The following CPSF7 variants were observed in gnomAD, a reference collection of about 807,000 sequenced individuals.
The protein encoded by CPSF7 is cleavage and polyadenylation specific factor 7.
In CPSF7, 1 loss-of-function variant was observed where a neutral mutation model predicts 44.3. The observed-to-expected ratio is 0.02, with a 90% confidence interval of 0.01 to 0.11. The LOEUF (loss-of-function observed/expected upper bound fraction) is 0.11. Ranked by LOEUF, CPSF7 falls within the 10% of genes least tolerant of loss-of-function variation. The pLI, the probability that CPSF7 is intolerant of heterozygous loss-of-function variation, is 1.00. For missense variants in CPSF7, 443 were observed against 607.2 expected, an observed-to-expected ratio of 0.73 and a Z score of 2.84; for synonymous variants, 202 against 222.0, an observed-to-expected ratio of 0.91 and a Z score of 0.80.
At chr11:61,420,439 T>C (rs368414285) in intron 4 of CPSF7, 31 bp downstream of exon 4, 4 of 1,552,220 alleles carry the variant, frequency 2.6e-6, no homozygotes, top group Non-Finnish European at 3.6e-6. Context: ...TGGTTACAAA[T>C]TAAAAGGGGC....
At chr11:61,412,415 G>C (rs1342527042) in intron 7 of CPSF7, among the ~76,000 whole-genome samples, 1 of 151,608 alleles carries the variant, frequency 6.6e-6, no homozygotes, top group African/African-American at 2.4e-5. Flanking sequence ...TCAGCCTCCT[G>C]AGTAGCTGGG....
chr11:61,420,326 T>C, intron 4 of CPSF7, 144 bp downstream of exon 4: 1 of 753,146 alleles, frequency 1.3e-6, no homozygotes, highest in Non-Finnish European at 2.2e-6. Flanking sequence ...TGCAGCTAGG[T>C]CCCTTTCTAA....
At chr11:61,426,434 C>T (rs1288643271) in intron 2 of CPSF7, 1 of 152,166 alleles carries the variant, frequency 6.6e-6, no homozygotes, top group Non-Finnish European at 1.5e-5. Flanking sequence ...TCATCCCTCA[C>T]CTTCCACAAA....
At chr11:61,428,993 C>T (rs1208915841) in intron 2 of CPSF7, 189 bp downstream of exon 2, 7 of 436,938 alleles carry the variant, frequency 1.6e-5, no homozygotes, top group Non-Finnish European at 2.9e-5. Flanking sequence ...TAAAATTAAG[C>T]CTGGAGCTTC....
intron 9 of CPSF7, 136 bp from the exon 10 acceptor site, chr11:61,404,840 GTC>G (rs1859157334): frequency 6.6e-6 from 1 of 152,194 alleles, no homozygotes; most frequent in South Asian, 2.1e-4. Flanking sequence ...GAGAATGCAA[GTC>G]TGGGAAAACA....
chr11:61,408,150 G>A (rs1035759591), intron 9 of CPSF7, among the ~76,000 whole-genome samples: 6 of 150,204 alleles, frequency 4.0e-5, no homozygotes, highest in Admixed American at 1.3e-4. Flanking sequence ...TCTGCCTCCC[G>A]GGTTCATGCC....
At chr11:61,408,738 A>ATT (rs1859563154) in intron 9 of CPSF7, among the ~76,000 whole-genome samples, 1 of 152,210 alleles carries the variant, frequency 6.6e-6, no homozygotes, top group Admixed American at 6.5e-5. Flanking sequence ...TCTAAGAATG[A>ATT]AAGCAACAGA....
intron 2 of CPSF7, chr11:61,426,568 C>T (rs1378512707): frequency 1.3e-5 from 2 of 152,108 alleles, no homozygotes; most frequent in African/African-American, 4.8e-5. Flanking sequence ...ATAAAAAAGT[C>T]CTTTTTAACT....
intron 9 of CPSF7, 114 bp downstream of exon 9, chr11:61,410,824 A>G (rs905092546): frequency 9.2e-7 from 1 of 1,092,424 alleles, no homozygotes; most frequent in Non-Finnish European, 1.3e-6. Flanking sequence ...GTAAATCAGA[A>G]GTTCCCCCTA....
chr11:61,429,836 C>G (rs1331275348), intron 1 of CPSF7, 78 bp downstream of exon 1: 3 of 1,546,900 alleles, frequency 1.9e-6, no homozygotes, highest in Non-Finnish European at 2.6e-6. Flanking sequence ...CCCATCTCAA[C>G]CGACCCCCTT....
In CPSF7 at chr11:61,429,967, C is replaced by A; in HGVS notation, c.-109G>T. On this transcript the variant is annotated 5_prime_UTR_variant, in exon 1 of 10. Coordinates refer to ENST00000439958, the MANE Select transcript of CPSF7 (RefSeq NM_001142565.3). The stretch of plus-strand genomic sequence containing the variant: ...CCGGACTAGGCCCGAAGCGCGCGAA[C>A]CGCTCTCCGCCCCAGGTCCCGCCCC... 1 of 1,279,458 alleles carries A rather than the reference C, an allele frequency of 7.8e-7. No homozygotes were observed. The highest frequency in any genetic ancestry group is 1.0e-6 in the Non-Finnish European group (1 of 954,882). 79.3% of individuals were successfully genotyped at this position (1,279,458 alleles called of 1,614,324 possible).
intron 1 of CPSF7, 37 bp from the exon 2 acceptor site, chr11:61,429,327 C>T (rs751816649): frequency 4.0e-6 from 5 of 1,260,240 alleles, no homozygotes; most frequent in Middle Eastern, 3.7e-4. Flanking sequence ...TTAGAAGGCA[C>T]GAGGGTCCTG....
At chr11:61,408,503 A>AGTTAC (rs1436001793) in intron 9 of CPSF7, among the ~76,000 whole-genome samples, 1 of 152,194 alleles carries the variant, frequency 6.6e-6, no homozygotes, top group East Asian at 1.9e-4. Context: ...AGGACCCTGA[A>AGTTAC]GTTACCTGGG....
At chr11:61,427,577 T>C (rs1192397587) in intron 2 of CPSF7, among the ~76,000 whole-genome samples, 2 of 147,420 alleles carry the variant, frequency 1.4e-5, no homozygotes, top group Non-Finnish European at 3.0e-5. Context: ...CACTTTAACC[T>C]GGGAGGCAGA....
intron 9 of CPSF7, among the ~76,000 whole-genome samples, chr11:61,405,062 A>G (rs1344053808): frequency 2.0e-5 from 3 of 152,238 alleles, no homozygotes; most frequent in Non-Finnish European, 4.4e-5. Flanking sequence ...CTAAAAGGGA[A>G]TAAGGTGAGT....
intron 2 of CPSF7, among the ~76,000 whole-genome samples, chr11:61,424,153 G>A (rs1164291280): frequency 6.6e-6 from 1 of 152,176 alleles, no homozygotes; most frequent in Non-Finnish European, 1.5e-5. Flanking sequence ...TGCATAAAAA[G>A]GGTCAGCATG....
rs3809083 is a variant in CPSF7 at position 61,417,732 on chromosome 11, G to T, written c.524-1213C>A. Among the ~76,000 whole-genome samples, 9 of 152,082 alleles carry T rather than the reference G, an allele frequency of 5.9e-5. No homozygotes were observed. In the South Asian group the frequency reaches 6.2e-4, roughly 10 times the overall value. The stretch of plus-strand genomic sequence containing the variant: ...CAAACTGAAGAACAAAAAGGTATAA[G>T]GCAAGTGTCATCTGACAGTTAACCA... On this transcript the variant is annotated intron_variant, in intron 5 of 9. Transcript: ENST00000439958.
chr11:61,419,241 C>T (rs1413416284), intron 5 of CPSF7, among the ~76,000 whole-genome samples: 2 of 152,180 alleles, frequency 1.3e-5, no homozygotes, highest in African/African-American at 2.4e-5. Flanking sequence ...CCAGGCTGGT[C>T]TCAAACTCTT....
chr11:61,415,347 T>C (rs1253397672), intron 7 of CPSF7, among the ~76,000 whole-genome samples: 2 of 152,136 alleles, frequency 1.3e-5, no homozygotes, highest in Non-Finnish European at 2.9e-5. Flanking sequence ...GATCTAAAGA[T>C]CAACCACTGA....
Sources: gnomAD v4.1 joint callset for allele counts (sites outside exome capture counted in the v4.1 genomes callset) on GRCh38, gnomAD v4.1.1 for gene constraint, MANE v1.5 for transcripts, NCBI Gene and HGNC (gene_info 2026-07-23, HGNC 2026-07-21) for gene names.